Variants in NCAM1 observed in about 807,000 individuals in gnomAD.
NCAM1 encodes the protein antigen recognized by monoclonal antibody 5.1H11.
Under a neutral mutation model 109.8 loss-of-function variants are expected in NCAM1, and 14 were observed. The ratio of observed to expected loss-of-function variants is 0.13; its 90% CI spans 0.08 to 0.20. NCAM1 has a LOEUF of 0.20. Ranked by LOEUF, NCAM1 falls within the 10% of genes least tolerant of loss-of-function variation. The probability of loss-of-function intolerance (pLI) is 1.00; values close to 1 mark genes in which losing one functional copy is unlikely to be tolerated. For missense variants in NCAM1, 774 were observed against 1,109.9 expected (o/e 0.70, Z 4.30); for synonymous variants, 418 against 442.9 (o/e 0.94, Z 0.70).
chr11:113,080,080 G>A (rs922841588), intron 1 of NCAM1, among the ~76,000 whole-genome samples: 2 of 152,158 alleles, frequency 1.3e-5, no homozygotes, highest in Non-Finnish European at 2.9e-5. Flanking sequence ...ATCTGATTGT[G>A]TTTCTGGAAA....
At chr11:113,206,240 A>G in intron 5 of NCAM1, 60 bp downstream of exon 5, 1 of 1,515,192 alleles carries the variant, frequency 6.6e-7, no homozygotes, top group Middle Eastern at 1.8e-4. Context: ...CTCCAAAATC[A>G]TTCTCTTTAA....
intron 1 of NCAM1, among the ~76,000 whole-genome samples, chr11:113,051,005 C>T (rs1182782626): frequency 6.6e-6 from 1 of 152,176 alleles, no homozygotes; most frequent in Non-Finnish European, 1.5e-5. Context: ...CCTCCAATTT[C>T]ATGTCACAAT....
At position 113,162,979 on chromosome 11, in the gene NCAM1, T is replaced by G. The variant is rs11602518; in HGVS notation, c.53-39400T>G. Among the ~76,000 whole-genome samples the G allele has an allele frequency of 7.4e-3, 1,129 of 152,306 alleles. 15 individuals are homozygous for G. The highest frequency in any genetic ancestry group is 0.012 in the Non-Finnish European group (818 of 68,028). ...ACTCTTAACAATTACTAACGCCCTC[T>G]CCATCCCTTCACACTCAAATTCCCC... On this transcript the variant is annotated intron_variant, in intron 1 of 19. Transcript: ENST00000316851.
Position 112,963,213 on chromosome 11 carries a change from C to CA in NCAM1, c.52+1551dup. On this transcript the variant is annotated intron_variant, in intron 1 of 19. Coordinates refer to ENST00000316851, the MANE Select transcript of NCAM1 (RefSeq NM_181351.5). This position sits in a 1 kb window ranked among gnomAD's most constrained non-coding sequence, Gnocchi z 4.6. ...CCTAACGGTCTCGCTCACTCACCGC[C>CA]AAGAGAAACCCCGCCCTGCGGCCGG... The CA allele has an allele frequency of 6.6e-6, 1 of 152,598 alleles. No homozygotes were observed. The highest frequency in any genetic ancestry group is 1.9e-4 in the East Asian group (1 of 5,176). The allele number at this position is 152,598 out of a possible 1,614,324, so 9.5% of individuals were successfully genotyped here. A position where few individuals can be genotyped will look rare whatever the true frequency, so the allele number is the denominator to read the frequency against.
intron 15 of NCAM1, among the ~76,000 whole-genome samples, chr11:113,249,391 A>C (rs1208575561): frequency 6.6e-6 from 1 of 152,162 alleles, no homozygotes; most frequent in Non-Finnish European, 1.5e-5. Context: ...GGGGCTGAAG[A>C]AAAAGGCAGT....
intron 14 of NCAM1, chr11:113,240,496 G>A (rs1289130488): frequency 1.1e-5 from 5 of 461,936 alleles, no homozygotes; most frequent in Admixed American, 8.0e-5. Flanking sequence ...CTGCTGAACT[G>A]GATATTTGTT....
chr11:113,269,343 G>T (rs1162488892), intron 17 of NCAM1, among the ~76,000 whole-genome samples: 1 of 152,204 alleles, frequency 6.6e-6, no homozygotes, highest in Non-Finnish European at 1.5e-5. Context: ...GAACCAGGGT[G>T]CCAGGTGCTA....
chr11:113,117,027 G>A (rs187018642), intron 1 of NCAM1, among the ~76,000 whole-genome samples: 80 of 151,998 alleles, frequency 5.3e-4, no homozygotes. Flanking sequence ...GAATAAGACT[G>A]GAGTAGACAT....
At chr11:113,010,155 C>T (rs1441439956) in intron 1 of NCAM1, among the ~76,000 whole-genome samples, 13 of 152,180 alleles carry the variant, frequency 8.5e-5, no homozygotes, top group Admixed American at 2.6e-4. Flanking sequence ...TTCTCACATT[C>T]GATCCTGAAC....
chr11:113,121,235 T>TTC lies in NCAM1; in HGVS notation c.53-81143_53-81142insCT, dbSNP rs200404475. Among the ~76,000 whole-genome samples the TTC allele has an allele frequency of 4.3e-3, 648 of 149,572 alleles. 8 individuals carry two copies. The highest frequency in any genetic ancestry group is 7.2e-3 in the Non-Finnish European group (488 of 67,334). On this transcript the variant is annotated intron_variant, in intron 1 of 19. Transcript: ENST00000316851. ...TCCAACAACACCAATCTTTTTTTTT[T>TTC]TTTTTGAGACAGTCTTGTTCTGTCA...
chr11:113,245,983 G>GC (rs782707304), intron 14 of NCAM1: 3 of 231,098 alleles, frequency 1.3e-5, no homozygotes, highest in Non-Finnish European at 2.5e-5. Context: ...GGTCCTGACA[G>GC]CAACACCTCC....
At chr11:113,153,457 A>T (rs868910406) in intron 1 of NCAM1, among the ~76,000 whole-genome samples, 8 of 128,952 alleles carry the variant, frequency 6.2e-5, no homozygotes, top group African/African-American at 3.1e-4. Flanking sequence ...AGAGAGTGAG[A>T]GAGAGAGAGA....
intron 1 of NCAM1, among the ~76,000 whole-genome samples, chr11:113,054,089 C>T (rs1297889884): frequency 6.6e-6 from 1 of 152,076 alleles, no homozygotes; most frequent in Non-Finnish European, 1.5e-5. Flanking sequence ...TATCTCATGT[C>T]CAAAGATATT....
Position 113,137,921 on chromosome 11 carries a change from G to A in NCAM1, c.53-64458G>A, listed in dbSNP as rs75301068. On this transcript the variant is annotated intron_variant, in intron 1 of 19. Coordinates refer to ENST00000316851, the MANE Select transcript of NCAM1 (RefSeq NM_181351.5). ...AAGCAACAAAGGCGACAAGGGAGGG[G>A]CAAGACAGAAATGCAAATTAGATGT... Among the ~76,000 whole-genome samples, 1,239 of 152,218 alleles carry A rather than the reference G, an allele frequency of 8.1e-3. 14 individuals are homozygous for A. The highest frequency in any genetic ancestry group is 0.028 in the African/African-American group (1,172 of 41,528).
rs572016005 is a variant in NCAM1 at position 113,251,682 on chromosome 11, G to A, written c.1829-4195G>A. Among the ~76,000 whole-genome samples, 372 of 152,226 alleles carry A rather than the reference G, an allele frequency of 2.4e-3. 1 individual carries two copies. The highest frequency in any genetic ancestry group is 8.5e-3 in the African/African-American group (355 of 41,534). Reference sequence around the variant, plus strand: ...ACTCCAAGGGTATAATTAACCCCAGGGGTCTTCTGGGAGCAACCTGCCGAT... The same window carrying A: ...ACTCCAAGGGTATAATTAACCCCAGAGGTCTTCTGGGAGCAACCTGCCGAT... On this transcript the variant is annotated intron_variant, in intron 15 of 19. Transcript: ENST00000316851.
At position 113,275,427 on chromosome 11, in the gene NCAM1, A is replaced by G. The variant is rs1345544346; in HGVS notation, c.*40A>G. On this transcript the variant is annotated 3_prime_UTR_variant, in exon 20 of 20. Coordinates refer to ENST00000316851, the MANE Select transcript of NCAM1 (RefSeq NM_181351.5). ...CGAGCAAAGATCAAAATAAAAAGTGACACAGCAGCTTCACCAGAGCATTTC... is the reference window on the plus strand; with the variant it reads ...CGAGCAAAGATCAAAATAAAAAGTGGCACAGCAGCTTCACCAGAGCATTTC... 5.6e-6 allele frequency: 9 copies of G among 1,593,564 alleles called. No individual in the cohort carries two copies. The highest frequency in any genetic ancestry group is 7.7e-6 in the Non-Finnish European group (9 of 1,169,862).
At chr11:113,230,906 A>G (rs1254242568) in intron 9 of NCAM1, among the ~76,000 whole-genome samples, 4 of 152,146 alleles carry the variant, frequency 2.6e-5, no homozygotes, top group Non-Finnish European at 2.9e-5. Context: ...TTGACCAATC[A>G]TTATAATTCC....
intron 1 of NCAM1, among the ~76,000 whole-genome samples, chr11:113,182,498 A>G (rs1356023350): frequency 6.6e-6 from 1 of 152,166 alleles, no homozygotes; most frequent in Non-Finnish European, 1.5e-5. Flanking sequence ...TCCCCTTTGC[A>G]GAGTGCCTCC....
rs2137279507 is a variant in NCAM1, at chr11:113,235,229, C to T, written c.1825+65C>T. 1.9e-6 allele frequency: 3 copies of T among 1,612,422 alleles called. No homozygotes were observed. The East Asian group carries it at 6.7e-5, about 36-fold the overall frequency. On this transcript the variant is annotated intron_variant, in intron 14 of 19. Coordinates refer to ENST00000316851, the MANE Select transcript of NCAM1 (RefSeq NM_181351.5). The stretch of plus-strand genomic sequence containing the variant: ...TCTTCTCCCTGGGGGCAGTGGGGAA[C>T]CCTGAGCTGGCCCATGTCATTGTTC...
Sources: allele counts gnomAD v4.1 joint callset (sites outside exome capture counted in the v4.1 genomes callset), GRCh38; gene constraint gnomAD v4.1.1; non-coding constraint Gnocchi (gnomAD v3.1); transcripts MANE v1.5; gene names NCBI Gene and HGNC (gene_info 2026-07-23, HGNC 2026-07-21).